The following NOS1AP variants were observed in gnomAD, a reference collection of about 807,000 sequenced individuals.
NOS1AP encodes nitric oxide synthase 1 adaptor protein.
NOS1AP carries 21 observed loss-of-function variants against 56.2 expected under a neutral mutation model. That is an observed-to-expected ratio of 0.37 (90% confidence interval 0.26 to 0.54). The LOEUF is 0.54. NOS1AP is among the 20% of genes least tolerant of loss of function. The pLI, the probability that NOS1AP is intolerant of heterozygous loss-of-function variation, is 0.84. For missense variants in NOS1AP, 522 were observed against 657.8 expected, an observed-to-expected ratio of 0.79 and a Z score of 2.26; for synonymous variants, 270 against 274.6, an observed-to-expected ratio of 0.98 and a Z score of 0.17.
At chr1:162,148,565 G>A (rs142710752) in intron 1 of NOS1AP, among the ~76,000 whole-genome samples, 2 of 151,422 alleles carry the variant, frequency 1.3e-5, no homozygotes, top group African/African-American at 4.9e-5. Flanking sequence ...GAGAAGATAC[G>A]GTGTGATTGA....
chr1:162,169,366 C>G (rs901093852), intron 2 of NOS1AP, among the ~76,000 whole-genome samples: 1 of 152,202 alleles, frequency 6.6e-6, no homozygotes, highest in East Asian at 1.9e-4. Context: ...GTTTGGCTGC[C>G]TTTAAATTTA....
chr1:162,356,413 C>T (rs1005118100), intron 7 of NOS1AP, among the ~76,000 whole-genome samples: 3 of 152,208 alleles, frequency 2.0e-5, no homozygotes, highest in Non-Finnish European at 4.4e-5. Flanking sequence ...CGATGGTTCT[C>T]ACCAGAGGCA....
chr1:162,113,573 C>T (rs1469281059), intron 1 of NOS1AP, among the ~76,000 whole-genome samples: 3 of 152,154 alleles, frequency 2.0e-5, no homozygotes, highest in African/African-American at 7.2e-5. Context: ...AACTTATGAT[C>T]ATGGCAGAAG....
At chr1:162,222,095 A>G (rs1209160533) in intron 2 of NOS1AP, among the ~76,000 whole-genome samples, 1 of 152,194 alleles carries the variant, frequency 6.6e-6, no homozygotes, top group African/African-American at 2.4e-5. Flanking sequence ...CTGGATTTTT[A>G]CAGTTCTTAT....
At chr1:162,211,607 C>T (rs1233678456) in intron 2 of NOS1AP, among the ~76,000 whole-genome samples, 1 of 152,078 alleles carries the variant, frequency 6.6e-6, no homozygotes, top group East Asian at 1.9e-4. Flanking sequence ...AACTCACCTC[C>T]TAGGGCATTA....
intron 2 of NOS1AP, among the ~76,000 whole-genome samples, chr1:162,176,957 A>C (rs1026402757): frequency 3.9e-5 from 6 of 152,186 alleles, no homozygotes; most frequent in Admixed American, 3.3e-4. Context: ...TAAGCTTTCA[A>C]ATTAATTGGA....
chr1:162,337,316 T>C (rs1380932646), intron 5 of NOS1AP, among the ~76,000 whole-genome samples: 1 of 152,232 alleles, frequency 6.6e-6, no homozygotes, highest in Non-Finnish European at 1.5e-5. Context: ...CCTATAATGC[T>C]GTCACTATCA....
chr1:162,193,809 ACCCCTT>A (rs1651718000), intron 2 of NOS1AP, among the ~76,000 whole-genome samples: 1 of 151,804 alleles, frequency 6.6e-6, no homozygotes, highest in South Asian at 2.1e-4. Context: ...CTCTTTTCTC[ACCCCTT>A]CCTCTCAGTA....
intron 1 of NOS1AP, among the ~76,000 whole-genome samples, chr1:162,097,000 T>C (rs916627968): frequency 6.6e-6 from 1 of 152,192 alleles, no homozygotes; most frequent in African/African-American, 2.4e-5. Context: ...ACTTTGTTTC[T>C]TCCACTTGTA....
chr1:162,246,593 G>C (rs942445979), intron 2 of NOS1AP, among the ~76,000 whole-genome samples: 1 of 152,278 alleles, frequency 6.6e-6, no homozygotes, highest in South Asian at 2.1e-4. Context: ...ACCATGAGTT[G>C]ATAGTAGTAT....
chr1:162,232,402 GT>G (rs1403910870), intron 2 of NOS1AP, among the ~76,000 whole-genome samples: 4 of 152,178 alleles, frequency 2.6e-5, no homozygotes, highest in Non-Finnish European at 5.9e-5. Context: ...TTAAAAGGCT[GT>G]TATTGGAATT....
chr1:162,104,394 ATCTTC>A (rs1647418301), intron 1 of NOS1AP, among the ~76,000 whole-genome samples: 1 of 151,998 alleles, frequency 6.6e-6, no homozygotes, highest in African/African-American at 2.4e-5. Flanking sequence ...CTTGGGGTTG[ATCTTC>A]TCATGGAGTA....
At chr1:162,352,221 A>G (rs894757699) in intron 6 of NOS1AP, among the ~76,000 whole-genome samples, 3 of 152,042 alleles carry the variant, frequency 2.0e-5, no homozygotes, top group Admixed American at 6.5e-5. Flanking sequence ...CACCATGCCC[A>G]GCTAATTTTT....
At chr1:162,146,794 T>C (rs1392821309) in intron 1 of NOS1AP, among the ~76,000 whole-genome samples, 1 of 152,230 alleles carries the variant, frequency 6.6e-6, no homozygotes, top group Non-Finnish European at 1.5e-5. Context: ...ACATTCCTTA[T>C]TATTAACATC....
At chr1:162,101,712 G>T (rs1571011024) in intron 1 of NOS1AP, among the ~76,000 whole-genome samples, 1 of 152,040 alleles carries the variant, frequency 6.6e-6, no homozygotes, top group African/African-American at 2.4e-5. Context: ...ATTGTGAATG[G>T]GAGTTCATTC....
chr1:162,325,351 A>G (rs2101786134), intron 4 of NOS1AP, among the ~76,000 whole-genome samples: 1 of 152,322 alleles, frequency 6.6e-6, no homozygotes, highest in African/African-American at 2.4e-5. Flanking sequence ...AACTGTGTTC[A>G]TGCTGCAGGG....
intron 6 of NOS1AP, among the ~76,000 whole-genome samples, chr1:162,344,677 C>A (rs545554791): frequency 6.7e-6 from 1 of 148,236 alleles, no homozygotes; most frequent in South Asian, 2.1e-4. Context: ...TGCCACCGCA[C>A]TCCAGCTTGG....
At position 162,257,478 on chromosome 1, in the gene NOS1AP, G is replaced by A. The variant is rs1238149511; in HGVS notation, c.178-29866G>A. Among the ~76,000 whole-genome samples the A allele has an allele frequency of 3.9e-5, 6 of 151,968 alleles. No individual in the cohort carries two copies. In the East Asian group the frequency reaches 1.2e-3, roughly 29 times the overall value. ...AGCCTGGGCAACATGACGAAACCCT[G>A]TCTCTACTAAAAGTACAAAAATTAG... On this transcript the variant is annotated intron_variant, in intron 2 of 9. Coordinates refer to ENST00000361897, the MANE Select transcript of NOS1AP (RefSeq NM_014697.3).
intron 2 of NOS1AP, among the ~76,000 whole-genome samples, chr1:162,172,028 G>C (rs540137101): frequency 6.6e-6 from 1 of 152,272 alleles, no homozygotes; most frequent in African/African-American, 2.4e-5. Context: ...ATGCTTGATG[G>C]TATTAGATGG....
Sources: allele counts gnomAD v4.1 joint callset (sites outside exome capture counted in the v4.1 genomes callset), GRCh38; gene constraint gnomAD v4.1.1; transcripts MANE v1.5; gene names NCBI Gene and HGNC (gene_info 2026-07-23, HGNC 2026-07-21).